The following AKAP12 variants were observed in gnomAD, a reference collection of about 807,000 sequenced individuals.
The protein encoded by AKAP12 is A-kinase anchor protein 12.
A neutral mutation model predicts 79.9 loss-of-function variants in AKAP12; 32 were observed. The ratio of observed to expected loss-of-function variants is 0.40; its 90% CI spans 0.30 to 0.54. The LOEUF is 0.54. Among genes scored for constraint, AKAP12 ranks in the 20% least tolerant of loss-of-function variants. The probability of loss-of-function intolerance (pLI) is 0.48; values close to 1 mark genes in which losing one functional copy is unlikely to be tolerated. For missense variants in AKAP12, 2,074 were observed against 2,177.0 expected, an observed-to-expected ratio of 0.95 and a Z score of 0.94; for synonymous variants, 808 against 857.0, an observed-to-expected ratio of 0.94 and a Z score of 1.00.
At chr6:151,269,860 G>A (rs542350823) in intron 2 of AKAP12, among the ~76,000 whole-genome samples, 1 of 152,204 alleles carries the variant, frequency 6.6e-6, no homozygotes, top group South Asian at 2.1e-4. Context: ...CCCATACCCA[G>A]TAGCCGTCAC....
chr6:151,274,993 A>T (rs570895718), intron 2 of AKAP12, among the ~76,000 whole-genome samples: 1 of 152,246 alleles, frequency 6.6e-6, no homozygotes, highest in Admixed American at 6.5e-5. Context: ...AGTCCCAGCT[A>T]CTTGGGAGGC....
intron 2 of AKAP12, among the ~76,000 whole-genome samples, chr6:151,274,951 A>G (rs1776261138): frequency 6.6e-6 from 1 of 152,074 alleles, no homozygotes; most frequent in Admixed American, 6.5e-5. Flanking sequence ...AAAAAATATA[A>G]AAATTAACCA....
At chr6:151,338,546 C>T (rs1367505799) in intron 3 of AKAP12, among the ~76,000 whole-genome samples, 1 of 151,880 alleles carries the variant, frequency 6.6e-6, no homozygotes, top group Non-Finnish European at 1.5e-5. Context: ...ACCTCCGCCT[C>T]CCGGGTTTAA....
In AKAP12 at chr6:151,351,453, C is replaced by G. The variant is rs758441762; in HGVS notation, c.3062C>G (p.Pro1021Arg). ...DSPDTTEEAT[P>R]VQEVEGGVPD... ...CCAGACACCACAGAGGAGGCCACTC[C>G]GGTGCAGGAGGTGGAAGGTGGCGTA... is the stretch of plus-strand genomic sequence containing the variant. The change falls in exon 4 of 5, where the codon CCG (proline) becomes CGG (arginine). Residue 1021 changes from proline to arginine, a missense_variant. Physicochemically the swap from Pro to Arg is moderately radical, Grantham distance 103 (BLOSUM62 -2). Transcript: ENST00000402676. The surrounding 1 kb of genome is among the most constrained non-coding windows in gnomAD (Gnocchi z 4.4). 21 of 1,614,064 alleles carry G rather than the reference C, an allele frequency of 1.3e-5. No homozygotes were observed. The South Asian group carries it at 2.3e-4, about 18-fold the overall frequency.
At chr6:151,272,359 A>AAT (rs1776202270) in intron 2 of AKAP12, among the ~76,000 whole-genome samples, 1 of 145,762 alleles carries the variant, frequency 6.9e-6, no homozygotes. Flanking sequence ...AAAAAAAAAA[A>AAT]CAAAAAAAAC....
chr6:151,294,105 C>G (rs111611808), intron 2 of AKAP12, among the ~76,000 whole-genome samples: 19,192 of 152,066 alleles, frequency 0.13, 1,385 homozygotes, highest in Middle Eastern at 0.19. Context: ...TCCCGAGTAG[C>G]TGGGACTACA....
chr6:151,291,517 T>C (rs1776620368), intron 2 of AKAP12, among the ~76,000 whole-genome samples: 1 of 152,140 alleles, frequency 6.6e-6, no homozygotes, highest in African/African-American at 2.4e-5. Context: ...CCTGTTTTCC[T>C]CCAAGCAGAC....
chr6:151,270,294 G>A (rs1776155470), intron 2 of AKAP12, among the ~76,000 whole-genome samples: 1 of 152,334 alleles, frequency 6.6e-6, no homozygotes, highest in African/African-American at 2.4e-5. Context: ...GCAACCTCAG[G>A]TGATCTGCCC....
At chr6:151,261,803 G>A (rs1797444660) in intron 2 of AKAP12, among the ~76,000 whole-genome samples, 1 of 150,576 alleles carries the variant, frequency 6.6e-6, no homozygotes, top group African/African-American at 2.4e-5. Flanking sequence ...TGTTCCCCAG[G>A]GTGGAGTGCA....
At chr6:151,278,868 C>T (rs375714114) in intron 2 of AKAP12, among the ~76,000 whole-genome samples, 26 of 151,910 alleles carry the variant, frequency 1.7e-4, no homozygotes, top group East Asian at 5.9e-4. Flanking sequence ...AGGGTTTCAC[C>T]GTGTTAGCCA....
At chr6:151,303,497 C>T (rs1008848000) in intron 2 of AKAP12, among the ~76,000 whole-genome samples, 5 of 152,170 alleles carry the variant, frequency 3.3e-5, no homozygotes, top group Non-Finnish European at 5.9e-5. Flanking sequence ...TGCTGGGAGC[C>T]GAGAACAGCC....
intron 3 of AKAP12, among the ~76,000 whole-genome samples, chr6:151,347,009 CTTTCTT>C (rs1459549653): frequency 3.5e-5 from 5 of 143,564 alleles, no homozygotes; most frequent in African/African-American, 1.2e-4. Context: ...TCATCATTCT[CTTTCTT>C]TTTCTTTTTC....
At chr6:151,345,690 G>A (rs1582897227) in intron 3 of AKAP12, among the ~76,000 whole-genome samples, 1 of 151,286 alleles carries the variant, frequency 6.6e-6, no homozygotes. Flanking sequence ...CCAGCTACTC[G>A]GGAGGCTGAG....
chr6:151,352,041 A>C lies in AKAP12; in HGVS notation c.3650A>C (p.Gln1217Pro), dbSNP rs751021872. 44 of 1,614,068 alleles carry C rather than the reference A, an allele frequency of 2.7e-5. No individual in the cohort carries two copies. In the Admixed American group the frequency reaches 2.8e-4, roughly 10 times the overall value. ...ACAGAAGCAGAGGCAGTTCCTGCACAGAAAGAGAGGCCTCCAGCACCTTCC... is the reference window on the plus strand; with the variant it reads ...ACAGAAGCAGAGGCAGTTCCTGCACCGAAAGAGAGGCCTCCAGCACCTTCC... ...GGTEAEAVPA[Q>P]KERPPAPSSF... is the part of the protein sequence containing the mutation. The change falls in exon 4 of 5, where the codon CAG becomes CCG. Residue 1217 changes from glutamine (Q) to proline (P), a missense_variant. Gln to Pro is a moderately conservative substitution (Grantham distance 76, BLOSUM62 -1). This residue lies in a region of AKAP12 where 614 missense variants were observed against 665.6 expected (regional missense o/e 0.92). Transcript: ENST00000402676.
chr6:151,247,976 C>T (rs1488732801), intron 2 of AKAP12, among the ~76,000 whole-genome samples: 1 of 152,158 alleles, frequency 6.6e-6, no homozygotes, highest in African/African-American at 2.4e-5. Flanking sequence ...TGTAGTTTCT[C>T]TCTGCCTAAT....
intron 2 of AKAP12, among the ~76,000 whole-genome samples, chr6:151,265,443 G>T (rs904111153): frequency 1.6e-4 from 24 of 152,168 alleles, no homozygotes; most frequent in African/African-American, 5.1e-4. Context: ...TCTAAAAATG[G>T]TCCAAAAATC....
rs568124241 is a variant in AKAP12 at position 151,351,691 on chromosome 6, G to T, written c.3300G>T (p.Glu1100Asp). The T allele has an allele frequency of 2.2e-5, 35 of 1,614,048 alleles. No individual in the cohort carries two copies. Among genetic ancestry groups the T allele is most frequent in the African/African-American group, 2.7e-5 (2 of 74,932 alleles). Reference protein sequence around the residue: ...TDVVLKVDAQEAKTEPFTQGK... With the variant: ...TDVVLKVDAQDAKTEPFTQGK... ...TAGTGTTGAAAGTAGATGCTCAGGA[G>T]GCAAAAACTGAGCCTTTTACACAAG... is the stretch of plus-strand genomic sequence containing the variant. The change falls in exon 4 of 5, where the codon GAG becomes GAT. Residue 1100 changes from glutamate to aspartate, a missense_variant. Around this residue, in one of 3 missense-constraint regions of AKAP12, gnomAD observed 1,428 missense variants for 1,451.0 expected, o/e 0.98. Coordinates refer to ENST00000402676, the MANE Select transcript of AKAP12 (RefSeq NM_005100.4). The surrounding 1 kb of genome is among the most constrained non-coding windows in gnomAD (Gnocchi z 4.4).
intron 2 of AKAP12, among the ~76,000 whole-genome samples, chr6:151,251,826 G>C (rs190667057): frequency 0.011 from 1,676 of 152,204 alleles, 25 homozygotes; most frequent in African/African-American, 0.038. Flanking sequence ...GTGAAACCCT[G>C]TCTTTACTAA....
chr6:151,295,569 T>A (rs570007069), intron 2 of AKAP12, among the ~76,000 whole-genome samples: 1 of 152,298 alleles, frequency 6.6e-6, no homozygotes, highest in East Asian at 1.9e-4. Context: ...TAGCAAGCAC[T>A]GCCATTTCAA....
Sources: gnomAD v4.1 joint callset for allele counts (sites outside exome capture counted in the v4.1 genomes callset) on GRCh38, gnomAD v4.1.1 for gene constraint, gnomAD v4.1.1 regional missense constraint, Gnocchi (gnomAD v3.1) non-coding constraint, MANE v1.5 for transcripts, NCBI Gene and HGNC (gene_info 2026-07-23, HGNC 2026-07-21) for gene names.